The following TRIM16 variants were observed in gnomAD, a reference collection of about 807,000 sequenced individuals.
The protein encoded by TRIM16 is tripartite motif containing 16, also known as tripartite motif-containing protein 16.
In TRIM16, 33 loss-of-function variants were observed where a neutral mutation model predicts 50.4. The ratio of observed to expected loss-of-function variants is 0.65; its 90% CI spans 0.50 to 0.88. The LOEUF (loss-of-function observed/expected upper bound fraction) is 0.88, where lower values mean the gene tolerates loss of function less well. TRIM16 is among the 40% of genes least tolerant of loss of function. TRIM16 has a pLI of 0.00. For synonymous variants in TRIM16, 229 were observed against 270.7 expected (o/e 0.85, Z 1.51); for missense variants, 581 against 686.8 (o/e 0.85, Z 1.72).
intron 6 of TRIM16, among the ~76,000 whole-genome samples, chr17:15,658,613 T>C (rs4791635): frequency 6.6e-6 from 1 of 152,242 alleles, no homozygotes; most frequent in African/African-American, 2.4e-5. Flanking sequence ...TTTTCTGGAA[T>C]TAAAGGTCTT....
intron 6 of TRIM16, among the ~76,000 whole-genome samples, chr17:15,657,433 T>A (rs1988030015): frequency 6.6e-6 from 1 of 152,220 alleles, no homozygotes; most frequent in Admixed American, 6.5e-5. Context: ...TACAGTTCAG[T>A]GGCTTTAAGT....
At chr17:15,681,132 A>T in intron 3 of TRIM16, 179 bp from the exon 4 acceptor site, 1 of 552,280 alleles carries the variant, frequency 1.8e-6, no homozygotes. Context: ...TAGAATGAAC[A>T]TAAACTCAGG....
intron 4 of TRIM16, among the ~76,000 whole-genome samples, chr17:15,678,586 C>T (rs970643216): frequency 6.6e-6 from 1 of 152,214 alleles, no homozygotes; most frequent in African/African-American, 2.4e-5. Flanking sequence ...GGTAAAGAGG[C>T]TAGAGCTTCA....
chr17:15,636,944 C>A (rs1379009816), intron 8 of TRIM16, among the ~76,000 whole-genome samples: 1 of 149,694 alleles, frequency 6.7e-6, no homozygotes, highest in Non-Finnish European at 1.5e-5. Context: ...GGTAAGCATC[C>A]TCTATGAATG....
intron 6 of TRIM16, among the ~76,000 whole-genome samples, chr17:15,664,469 A>C (rs1988386354): frequency 6.6e-6 from 1 of 152,132 alleles, no homozygotes; most frequent in Non-Finnish European, 1.5e-5. Context: ...TAGGAGGCCG[A>C]GGTGGGCGGA....
intron 8 of TRIM16, among the ~76,000 whole-genome samples, chr17:15,638,431 T>C (rs2150905855): frequency 6.8e-6 from 1 of 147,296 alleles, no homozygotes; most frequent in Non-Finnish European, 1.5e-5. Flanking sequence ...ATTAGCCGGG[T>C]GTGGTGGCGG....
chr17:15,628,962 C>G lies in TRIM16; in HGVS notation c.1348G>C (p.Asp450His), dbSNP rs375056116. The change falls in exon 12 of 12, where the codon GAC becomes CAC. Residue 450 changes from aspartate (D) to histidine (H), a missense_variant. Around this residue, in one of 3 missense-constraint regions of TRIM16, gnomAD observed 450 missense variants for 544.3 expected, o/e 0.83. Coordinates refer to ENST00000649191, the MANE Select transcript of TRIM16 (RefSeq NM_001348119.1). ...TYVGLTCKGI[D>H]RKGEERNSCI... ...CTGTTGCGCTCCTCCCCTTTCCGGT[C>G]GATGCCTTTGCAGGTCAGGCCAACA... 7.4e-6 allele frequency: 12 copies of G among 1,614,182 alleles called. No homozygotes were observed. Among genetic ancestry groups the G allele is most frequent in the South Asian group, 2.2e-5 (2 of 91,070 alleles).
chr17:15,646,777 A>C (rs192721497), intron 7 of TRIM16, among the ~76,000 whole-genome samples: 398 of 152,084 alleles, frequency 2.6e-3, no homozygotes, highest in Non-Finnish European at 4.7e-3. Flanking sequence ...GAGAAGGAAG[A>C]ACTAGAGTCC....
Position 15,682,856 on chromosome 17 carries a change from C to T in TRIM16, c.-681G>A, listed in dbSNP as rs531291424. The T allele has an allele frequency of 7.7e-6, 11 of 1,435,482 alleles. No homozygotes were observed. The African/African-American group carries it at 8.6e-5, about 11-fold the overall frequency. The allele number at this position is 1,435,482 out of a possible 1,614,324, so 88.9% of individuals were successfully genotyped here. A position where few individuals can be genotyped will look rare whatever the true frequency, so the allele number is the denominator to read the frequency against. On this transcript the variant is annotated splice_region_variant and 5_prime_UTR_variant, in exon 3 of 12. In the 5' UTR this introduces an upstream ATG that the reference lacks. Transcript: ENST00000649191. ...ACCACCATTCTTCGCACACTCACCA[C>T]GCACCAGGTGCTTTCCATAAATCAG...
chr17:15,640,873 C>T (rs1376513652), intron 8 of TRIM16, among the ~76,000 whole-genome samples: 8 of 148,706 alleles, frequency 5.4e-5, no homozygotes, highest in Non-Finnish European at 1.5e-5. Flanking sequence ...GTACTGCCCG[C>T]TCCCGATGAC....
chr17:15,678,502 G>A (rs1429465993), intron 4 of TRIM16, among the ~76,000 whole-genome samples: 3 of 152,172 alleles, frequency 2.0e-5, no homozygotes, highest in Non-Finnish European at 4.4e-5. Context: ...ACTCACGTAT[G>A]TTCCTCCATG....
Position 15,651,722 on chromosome 17 carries a change from T to C in TRIM16, c.-113A>G. On this transcript the variant is annotated 5_prime_UTR_variant, in exon 7 of 12. Coordinates refer to ENST00000649191, the MANE Select transcript of TRIM16 (RefSeq NM_001348119.1). ...GATGATTGCAGCTGCTGCAAGATTT[T>C]AACTGTTTCCTCCCTCCCAGAGGAA... 1 of 1,535,400 alleles carries C rather than the reference T, an allele frequency of 6.5e-7. No individual in the cohort carries two copies. The highest frequency in any genetic ancestry group is 1.2e-5 in the South Asian group (1 of 83,284).
chr17:15,644,460 G>C (rs1987263955), intron 7 of TRIM16, among the ~76,000 whole-genome samples: 1 of 152,176 alleles, frequency 6.6e-6, no homozygotes, highest in South Asian at 2.1e-4. Context: ...AAAATGCTGG[G>C]ATTATAGGTG....
chr17:15,663,251 GT>G (rs1567684766), intron 6 of TRIM16, among the ~76,000 whole-genome samples: 3 of 152,040 alleles, frequency 2.0e-5, no homozygotes, highest in Admixed American at 2.0e-4. Context: ...ATATTTGCAC[GT>G]GCCACTCTCC....
At chr17:15,632,410 C>G in intron 10 of TRIM16, 99 bp downstream of exon 10, 1 of 1,440,426 alleles carries the variant, frequency 6.9e-7, no homozygotes, top group Non-Finnish European at 9.2e-7. Context: ...TGAAACATTC[C>G]CCTGATTTCA....
intron 6 of TRIM16, among the ~76,000 whole-genome samples, chr17:15,658,254 G>C (rs1988064650): frequency 6.6e-6 from 1 of 152,172 alleles, no homozygotes; most frequent in East Asian, 1.9e-4. Flanking sequence ...AGGGGTTTAA[G>C]GCCATCATTC....
At chr17:15,669,372 G>C (rs1158968163) in intron 6 of TRIM16, among the ~76,000 whole-genome samples, 1 of 151,862 alleles carries the variant, frequency 6.6e-6, no homozygotes, top group Admixed American at 6.6e-5. Flanking sequence ...AAAAAAATGA[G>C]ATACCTCTAA....
At chr17:15,671,871 G>A (rs1317818797) in intron 6 of TRIM16, among the ~76,000 whole-genome samples, 1 of 152,194 alleles carries the variant, frequency 6.6e-6, no homozygotes, top group Non-Finnish European at 1.5e-5. Flanking sequence ...GCCAAGAGGT[G>A]AGGGTGGAGG....
chr17:15,653,391 C>T (rs1371449649), intron 6 of TRIM16, among the ~76,000 whole-genome samples: 1 of 152,184 alleles, frequency 6.6e-6, no homozygotes, highest in Non-Finnish European at 1.5e-5. Flanking sequence ...CAGTAAGACG[C>T]ATGGTGTGTG....
Sources: gnomAD v4.1 joint callset for allele counts (sites outside exome capture counted in the v4.1 genomes callset) on GRCh38, gnomAD v4.1.1 for gene constraint, gnomAD v4.1.1 regional missense constraint, MANE v1.5 for transcripts, NCBI Gene and HGNC (gene_info 2026-07-23, HGNC 2026-07-21) for gene names.